Variants in STK32B observed in about 807,000 individuals in gnomAD.
STK32B encodes the protein serine/threonine kinase 32B, also known as serine/threonine-protein kinase 32B.
Under a neutral mutation model 52.6 loss-of-function variants are expected in STK32B, and 43 were observed. The ratio of observed to expected loss-of-function variants is 0.82; its 90% CI spans 0.64 to 1.05. The LOEUF is 1.05. Among genes scored for constraint, STK32B ranks in the 50% least tolerant of loss-of-function variants. STK32B has a pLI of 0.00. For missense variants in STK32B, 621 were observed against 534.6 expected, an observed-to-expected ratio of 1.16 and a Z score of -1.59; for synonymous variants, 238 against 204.3, an observed-to-expected ratio of 1.17 and a Z score of -1.41.
At chr4:5,362,102 C>A (rs1355646824) in intron 4 of STK32B, among the ~76,000 whole-genome samples, 2 of 152,104 alleles carry the variant, frequency 1.3e-5, no homozygotes, top group African/African-American at 2.4e-5. Context: ...ACTTCATCAT[C>A]ATCAAGATGT....
intron 1 of STK32B, among the ~76,000 whole-genome samples, chr4:5,123,514 C>T (rs1715184417): frequency 6.6e-6 from 1 of 152,142 alleles, no homozygotes; most frequent in South Asian, 2.1e-4. Flanking sequence ...CAACAACAAA[C>T]ATTTATTTCT....
intron 11 of STK32B, among the ~76,000 whole-genome samples, chr4:5,489,601 A>AATTTT (rs776144266): frequency 2.6e-5 from 4 of 151,842 alleles, no homozygotes; most frequent in Non-Finnish European, 4.4e-5. Context: ...CATTAACAAC[A>AATTTT]ATTTTATTTT....
chr4:5,389,859 G>A (rs1272260685), intron 4 of STK32B, among the ~76,000 whole-genome samples: 1 of 152,206 alleles, frequency 6.6e-6, no homozygotes, highest in Admixed American at 6.5e-5. Flanking sequence ...TTATCCAGGT[G>A]GGCCCAATGG....
chr4:5,108,172 C>T (rs950457712), intron 1 of STK32B, among the ~76,000 whole-genome samples: 1 of 152,110 alleles, frequency 6.6e-6, no homozygotes, highest in East Asian at 1.9e-4. Flanking sequence ...TATATGTTTC[C>T]GAGGATGTGA....
At chr4:5,484,850 C>G (rs1408055621) in intron 11 of STK32B, among the ~76,000 whole-genome samples, 3 of 152,142 alleles carry the variant, frequency 2.0e-5, no homozygotes, top group African/African-American at 7.2e-5. Flanking sequence ...ACTTATGAAG[C>G]ATAGTTTGGC....
At chr4:5,445,892 G>T (rs2109120310) in intron 6 of STK32B, among the ~76,000 whole-genome samples, 1 of 152,110 alleles carries the variant, frequency 6.6e-6, no homozygotes, top group East Asian at 1.9e-4. Context: ...ACTCATTGTG[G>T]GTATTTCATG....
At chr4:5,034,929 G>T in the STK32B span, among the ~76,000 whole-genome samples, 15 of 152,310 alleles carry the variant, frequency 9.8e-5, no homozygotes, top group African/African-American at 3.1e-4. Flanking sequence ...CACTCCACTG[G>T]CCATCAACGA....
intron 4 of STK32B, among the ~76,000 whole-genome samples, chr4:5,346,206 G>A (rs1027715399): frequency 1.3e-5 from 2 of 152,196 alleles, no homozygotes; most frequent in African/African-American, 2.4e-5. Flanking sequence ...GAGAAATCAG[G>A]TGTGTTCAAG....
rs143094967 is a variant in STK32B at position 5,279,033 on chromosome 4, C to A, written c.261-52187C>A. ...TGAGATTTGGGTGGGGACACAGAGCCAAACCATATCATTCTGCCCCTGACC... is the reference window on the plus strand; with the variant it reads ...TGAGATTTGGGTGGGGACACAGAGCAAAACCATATCATTCTGCCCCTGACC... On this transcript the variant is annotated intron_variant, in intron 3 of 11. Transcript: ENST00000282908. Among the ~76,000 whole-genome samples, 304 of 152,220 alleles carry A rather than the reference C, an allele frequency of 2.0e-3. 2 individuals carry two copies. Among genetic ancestry groups the A allele is most frequent in the African/African-American group, 7.1e-3 (294 of 41,526 alleles).
chr4:5,063,820 C>T (rs1742308692), intron 1 of STK32B, among the ~76,000 whole-genome samples: 1 of 152,108 alleles, frequency 6.6e-6, no homozygotes, highest in African/African-American at 2.4e-5. Context: ...TATTTCCTCG[C>T]CAATATTTAT....
chr4:5,450,930 A>G (rs1018858572), intron 7 of STK32B, among the ~76,000 whole-genome samples: 1 of 152,066 alleles, frequency 6.6e-6, no homozygotes, highest in Non-Finnish European at 1.5e-5. Context: ...AGTAAGGCCA[A>G]TGGGCTTCAT....
chr4:5,499,161 G>A lies in STK32B; in HGVS notation c.*78G>A. On this transcript the variant is annotated 3_prime_UTR_variant, in exon 12 of 12. Transcript: ENST00000282908. ...CCAGAGCCCCTCTTTGTGCCCTGAT[G>A]GTCCCTGTCTCACCCCTGAAAACAT... 1 of 1,482,908 alleles carries A rather than the reference G, an allele frequency of 6.7e-7. No individual in the cohort carries two copies. Among genetic ancestry groups the A allele is most frequent in the Non-Finnish European group, 9.0e-7 (1 of 1,109,558 alleles). 91.9% of individuals were successfully genotyped at this position (1,482,908 alleles called of 1,614,324 possible).
At chr4:5,484,995 G>A (rs1010402276) in intron 11 of STK32B, among the ~76,000 whole-genome samples, 1 of 152,170 alleles carries the variant, frequency 6.6e-6, no homozygotes, top group South Asian at 2.1e-4. Context: ...TGGGTAACCC[G>A]ACCTTTCTCT....
At chr4:5,428,009 T>C (rs932096093) in intron 6 of STK32B, among the ~76,000 whole-genome samples, 3 of 152,064 alleles carry the variant, frequency 2.0e-5, no homozygotes, top group Non-Finnish European at 2.9e-5. Context: ...GAGACTTGTC[T>C]TATTTTCCTC....
intron 5 of STK32B, 67 bp from the exon 6 acceptor site, chr4:5,416,778 C>T: frequency 2.1e-6 from 3 of 1,424,404 alleles, no homozygotes; most frequent in East Asian, 2.4e-5. Flanking sequence ...CCTTGCAAAC[C>T]ACAGCTTTAA....
chr4:5,487,182 G>T (rs1719295823), intron 11 of STK32B, among the ~76,000 whole-genome samples: 1 of 152,196 alleles, frequency 6.6e-6, no homozygotes, highest in Non-Finnish European at 1.5e-5. Context: ...GGGAAGATAT[G>T]TGGGTCTTTG....
At chr4:5,087,044 C>T (rs1198658138) in intron 1 of STK32B, among the ~76,000 whole-genome samples, 3 of 152,200 alleles carry the variant, frequency 2.0e-5, no homozygotes, top group Middle Eastern at 3.4e-3. Flanking sequence ...TGAGACACAG[C>T]ATAAATGTAT....
At chr4:5,219,819 T>A (rs1283047739) in intron 3 of STK32B, among the ~76,000 whole-genome samples, 2 of 152,204 alleles carry the variant, frequency 1.3e-5, no homozygotes, top group African/African-American at 4.8e-5. Flanking sequence ...ACGTTGGCCC[T>A]CAGGATCTGC....
chr4:5,403,923 A>G lies in STK32B; in HGVS notation c.472+5679A>G, dbSNP rs554272256. 8.5e-5 allele frequency among the ~76,000 whole-genome samples: 13 copies of G among 152,166 alleles called. No individual in the cohort carries two copies. In the South Asian group the frequency reaches 2.7e-3, roughly 32 times the overall value. The stretch of plus-strand genomic sequence containing the variant: ...CCAGTGGTGGATGTCTTGGAACCAT[A>G]TGGGTCCCAAGACTGTAAGGATAAG... On this transcript the variant is annotated intron_variant, in intron 5 of 11. Coordinates refer to ENST00000282908, the MANE Select transcript of STK32B (RefSeq NM_018401.3).
Sources: allele counts gnomAD v4.1 joint callset (sites outside exome capture counted in the v4.1 genomes callset), GRCh38; gene constraint gnomAD v4.1.1; transcripts MANE v1.5; gene names NCBI Gene and HGNC (gene_info 2026-07-23, HGNC 2026-07-21).